The following CAST variants were observed in gnomAD, a reference collection of about 807,000 sequenced individuals.
CAST encodes calpastatin, also known as MIR583 host.
A neutral mutation model predicts 119.6 loss-of-function variants in CAST; 76 were observed. That is an observed-to-expected ratio of 0.64 (90% CI 0.53 to 0.77). The LOEUF is 0.77. CAST is among the 30% of genes least tolerant of loss of function. CAST has a pLI of 0.00. For missense variants in CAST, 953 were observed against 946.5 expected, an observed-to-expected ratio of 1.01 and a Z score of -0.09; for synonymous variants, 319 against 331.6, an observed-to-expected ratio of 0.96 and a Z score of 0.41.
At chr5:96,312,590 T>TGTGGTTTGAAACTACTTAGTGTTA in the CAST span, among the ~76,000 whole-genome samples, 363 of 152,252 alleles carry the variant, frequency 2.4e-3, 1 homozygote, top group African/African-American at 8.5e-3. Context: ...GTCTTGGTTT[T>TGTGGTTTGAAACTACTTAGTGTTA]GTGGTTTGAA....
At chr5:96,167,837 A>G in the CAST span, among the ~76,000 whole-genome samples, 1 of 152,170 alleles carries the variant, frequency 6.6e-6, no homozygotes, top group African/African-American at 2.4e-5. Flanking sequence ...AGTAAAGTCA[A>G]TTTGCCGGTC....
At chr5:96,036,582 A>G in the CAST span, among the ~76,000 whole-genome samples, 8 of 152,270 alleles carry the variant, frequency 5.3e-5, no homozygotes, top group African/African-American at 1.9e-4. Flanking sequence ...TGCTTGGTGA[A>G]TATTTAAAAA....
intron 29 of CAST, 156 bp from the exon 30 acceptor site, chr5:96,770,375 G>A (rs537485706): frequency 1.6e-4 from 92 of 578,620 alleles, no homozygotes; most frequent in African/African-American, 1.5e-3. Flanking sequence ...CTCTGACACC[G>A]TTGTTCAAAA....
intron 22 of CAST, 56 bp from the exon 23 acceptor site, chr5:96,757,388 A>G: frequency 1.3e-6 from 2 of 1,488,112 alleles, no homozygotes; most frequent in South Asian, 1.1e-5. Flanking sequence ...ACAAGGTTTC[A>G]TACTTTGGAT....
intron 1 of CAST, among the ~76,000 whole-genome samples, chr5:96,652,218 C>T (rs1748103739): frequency 6.6e-6 from 1 of 152,208 alleles, no homozygotes; most frequent in Admixed American, 6.5e-5. Flanking sequence ...GAGGTCCAGA[C>T]CAACCCTTAG....
intron 2 of CAST, among the ~76,000 whole-genome samples, chr5:96,682,232 T>G (rs953468842): frequency 7.9e-5 from 12 of 152,348 alleles, no homozygotes; most frequent in Middle Eastern, 6.8e-3. Context: ...ACTAATCATC[T>G]GCCTCACAAT....
the CAST span, among the ~76,000 whole-genome samples, chr5:96,484,608 C>T: frequency 1.3e-5 from 2 of 152,086 alleles, no homozygotes; most frequent in African/African-American, 2.4e-5. Flanking sequence ...TGGTTAATCT[C>T]GGTTTACTAA....
rs139285603 is a variant in CAST, at chr5:96,742,734, G to A, written c.1178G>A (p.Arg393His). Residue 393 changes from arginine (R) to histidine (H), a missense_variant, in exon 16 of 32, where the codon CGC (arginine) becomes CAC (histidine). Arg to His is a conservative substitution (Grantham distance 29). Coordinates refer to ENST00000675179, the MANE Select transcript of CAST (RefSeq NM_001750.7). ...TRQAEPELDL[R>H]SIKEVDEAKA... ...CAAGCAGAACCTGAGCTCGACCTCC[G>A]CTCAATTAAGGAAGTCGATGAGGTA... 403 of 1,613,306 alleles carry A rather than the reference G, an allele frequency of 2.5e-4. 1 individual carries two copies. In the African/African-American group the frequency reaches 3.9e-3, roughly 16 times the overall value.
At chr5:96,446,059 G>A in the CAST span, among the ~76,000 whole-genome samples, 1 of 151,774 alleles carries the variant, frequency 6.6e-6, no homozygotes, top group Non-Finnish European at 1.5e-5. Context: ...ATGTTACCCA[G>A]GCTGTTCTCA....
chr5:96,296,435 A>T, the CAST span, among the ~76,000 whole-genome samples: 1 of 152,194 alleles, frequency 6.6e-6, no homozygotes, highest in Non-Finnish European at 1.5e-5. Flanking sequence ...TCTTCAGCTT[A>T]TATGTATTAA....
chr5:95,975,823 A>G, the CAST span, among the ~76,000 whole-genome samples: 2 of 152,194 alleles, frequency 1.3e-5, no homozygotes, highest in Non-Finnish European at 2.9e-5. Flanking sequence ...AGGTTCTTTT[A>G]TAATCATTTA....
the CAST span, among the ~76,000 whole-genome samples, chr5:96,262,225 C>T: frequency 0.33 from 50,891 of 151,998 alleles, 8,793 homozygotes; most frequent in Admixed American, 0.43. Context: ...GAAAAGAGAA[C>T]GTGTGGTGGC....
At chr5:96,376,151 A>G in the CAST span, among the ~76,000 whole-genome samples, 1 of 151,310 alleles carries the variant, frequency 6.6e-6, no homozygotes, top group South Asian at 2.1e-4. Context: ...ATGCATAACA[A>G]CATTTCAGCC....
chr5:96,043,867 C>A, the CAST span, among the ~76,000 whole-genome samples: 1 of 152,038 alleles, frequency 6.6e-6, no homozygotes, highest in Non-Finnish European at 1.5e-5. Context: ...GTAATTCTGT[C>A]AGAATGGGAG....
At chr5:96,041,368 A>G in the CAST span, among the ~76,000 whole-genome samples, 1 of 152,122 alleles carries the variant, frequency 6.6e-6, no homozygotes, top group African/African-American at 2.4e-5. Context: ...TCCAACAAAT[A>G]CTTGACCAGT....
At chr5:96,432,666 C>T in the CAST span, among the ~76,000 whole-genome samples, 1 of 152,166 alleles carries the variant, frequency 6.6e-6, no homozygotes, top group Non-Finnish European at 1.5e-5. Context: ...TGCTTGGCTG[C>T]GCCCAGCCTA....
chr5:96,357,470 G>A, the CAST span, among the ~76,000 whole-genome samples: 11 of 152,148 alleles, frequency 7.2e-5, no homozygotes, highest in African/African-American at 2.4e-4. Context: ...CTGTGGGTTT[G>A]TCATAAATAG....
chr5:96,620,339 A>G (rs1044415235), intron 1 of CAST, among the ~76,000 whole-genome samples: 1 of 139,892 alleles, frequency 7.1e-6, no homozygotes, highest in African/African-American at 2.7e-5. Context: ...TGGCTTTGTG[A>G]TGGTATAAAA....
the CAST span, among the ~76,000 whole-genome samples, chr5:96,377,281 G>A: frequency 6.6e-6 from 1 of 151,906 alleles, no homozygotes; most frequent in East Asian, 1.9e-4. Context: ...ATTTAGTGTA[G>A]GCTAAGTATA....
Sources: allele counts gnomAD v4.1 joint callset (sites outside exome capture counted in the v4.1 genomes callset), GRCh38; gene constraint gnomAD v4.1.1; transcripts MANE v1.5; gene names NCBI Gene and HGNC (gene_info 2026-07-23, HGNC 2026-07-21).